Variants in SORL1 observed in about 807,000 individuals in gnomAD.
SORL1 encodes the protein sortilin-related receptor.
Under a neutral mutation model 273.7 loss-of-function variants are expected in SORL1, and 127 were observed. The ratio of observed to expected loss-of-function variants is 0.46; its 90% confidence interval spans 0.40 to 0.54. The LOEUF (loss-of-function observed/expected upper bound fraction) is 0.54, where lower values mean the gene tolerates loss of function less well. Among genes scored for constraint, SORL1 ranks in the 20% least tolerant of loss-of-function variants. The pLI is 0.00. For missense variants in SORL1, 2,494 were observed against 2,846.1 expected (o/e 0.88, Z 2.81); for synonymous variants, 1,031 against 1,067.4 (o/e 0.97, Z 0.66).
chr11:121,509,946 AT>A (rs1475806247), intron 6 of SORL1, among the ~76,000 whole-genome samples: 1 of 152,212 alleles, frequency 6.6e-6, no homozygotes, highest in Non-Finnish European at 1.5e-5. Context: ...CAGGAGGGCT[AT>A]TTCATGATAG....
chr11:121,576,352 CTG>C (rs1264917069), intron 24 of SORL1, among the ~76,000 whole-genome samples: 3 of 152,306 alleles, frequency 2.0e-5, no homozygotes, highest in South Asian at 2.1e-4. Flanking sequence ...ATGCTTCTAT[CTG>C]TACGCAAGCG....
At chr11:121,551,201 A>G (rs971580798) in intron 16 of SORL1, among the ~76,000 whole-genome samples, 1 of 152,228 alleles carries the variant, frequency 6.6e-6, no homozygotes, top group Non-Finnish European at 1.5e-5. Flanking sequence ...TTCACGAGGA[A>G]GCATGTTCAG....
At chr11:121,591,505 C>T (rs1469521200) in intron 31 of SORL1, among the ~76,000 whole-genome samples, 1 of 152,186 alleles carries the variant, frequency 6.6e-6, no homozygotes, top group Middle Eastern at 3.2e-3. Context: ...TAATGTGGAA[C>T]TTTTTGTGTG....
At chr11:121,567,838 A>T (rs1862775814) in intron 22 of SORL1, among the ~76,000 whole-genome samples, 1 of 152,172 alleles carries the variant, frequency 6.6e-6, no homozygotes, top group South Asian at 2.1e-4. Context: ...CATGAAGTGC[A>T]TGGATTGATG....
chr11:121,610,944 A>G, intron 38 of SORL1, 132 bp from the exon 39 acceptor site: 2 of 637,862 alleles, frequency 3.1e-6, no homozygotes, highest in Non-Finnish European at 5.6e-6. Flanking sequence ...TCGATGAGGA[A>G]CACTGCCAAA....
At chr11:121,528,567 TA>T (rs1862157498) in intron 11 of SORL1, among the ~76,000 whole-genome samples, 1 of 152,252 alleles carries the variant, frequency 6.6e-6, no homozygotes, top group East Asian at 1.9e-4. Context: ...TCATCATCAT[TA>T]TCTGATTCCA....
chr11:121,558,882 G>A (rs1862632727), intron 20 of SORL1, 45 bp downstream of exon 20: 2 of 1,606,690 alleles, frequency 1.2e-6, no homozygotes, highest in Non-Finnish European at 1.7e-6. Flanking sequence ...GAGCGGGTGA[G>A]GAGCATATGA....
rs140947503 is a variant in SORL1 at position 121,499,191 on chromosome 11, A to G, written c.939+2142A>G. 7.8e-3 allele frequency among the ~76,000 whole-genome samples: 1,195 copies of G among 152,328 alleles called. 14 individuals are homozygous for G. The highest frequency in any genetic ancestry group is 9.4e-3 in the Non-Finnish European group (642 of 68,026). On this transcript the variant is annotated intron_variant, in intron 6 of 47. Transcript: ENST00000260197. ...GACGTATTAAATTTTTGGTACTTTT[A>G]TAGGCAATTCTTAACTCTCTGTATG...
chr11:121,530,018 T>A (rs1300928728), intron 11 of SORL1, among the ~76,000 whole-genome samples: 1 of 152,188 alleles, frequency 6.6e-6, no homozygotes, highest in African/African-American at 2.4e-5. Context: ...TATCTAATCT[T>A]TTATAGTCTT....
chr11:121,580,054 C>A (rs1337928511), intron 25 of SORL1, among the ~76,000 whole-genome samples: 1 of 152,128 alleles, frequency 6.6e-6, no homozygotes, highest in Non-Finnish European at 1.5e-5. Context: ...ATAACAGACA[C>A]TCTTTTCTTT....
chr11:121,557,470 AAC>A, intron 19 of SORL1, 65 bp downstream of exon 19: 1 of 1,204,928 alleles, frequency 8.3e-7, no homozygotes, highest in African/African-American at 1.5e-5. Context: ...TTCTCATGGA[AAC>A]ACAGACTGCG....
intron 21 of SORL1, among the ~76,000 whole-genome samples, chr11:121,564,806 C>T (rs529461888): frequency 3.3e-5 from 5 of 152,070 alleles, no homozygotes; most frequent in South Asian, 2.1e-4. Context: ...CTCCTGGGCT[C>T]GAGTGATCCT....
At chr11:121,519,499 C>T (rs369800118) in intron 8 of SORL1, among the ~76,000 whole-genome samples, 3 of 152,088 alleles carry the variant, frequency 2.0e-5, no homozygotes, top group East Asian at 1.9e-4. Flanking sequence ...GCAAGCTCCG[C>T]GTCCCGGGTT....
rs1001978809 is a variant in SORL1 at position 121,595,043 on chromosome 11, C to T, written c.4370-580C>T. Among the ~76,000 whole-genome samples, 39 of 152,222 alleles carry T rather than the reference C, an allele frequency of 2.6e-4. No individual in the cohort carries two copies. Among genetic ancestry groups the T allele is most frequent in the African/African-American group, 8.0e-4 (33 of 41,450 alleles). On this transcript the variant is annotated intron_variant, in intron 31 of 47. Transcript: ENST00000260197. This position sits in a 1 kb window ranked among gnomAD's most constrained non-coding sequence, Gnocchi z 5.1. ...AGTAGGATATACTTGCTGTCAACTACGCCTATCTAAACAACTCTCTGTTTT... is the reference window on the plus strand; with the variant it reads ...AGTAGGATATACTTGCTGTCAACTATGCCTATCTAAACAACTCTCTGTTTT...
intron 21 of SORL1, among the ~76,000 whole-genome samples, chr11:121,560,517 T>C (rs79044174): frequency 0.03 from 4,574 of 152,344 alleles, 92 homozygotes; most frequent in Middle Eastern, 0.054. Flanking sequence ...AATTTCCCTC[T>C]TTATCTCAGC....
At position 121,550,666 on chromosome 11, in the gene SORL1, G is replaced by A. The variant is rs759152773; in HGVS notation, c.2262G>A (p.Leu754=). The change falls in exon 16 of 48, where the codon CTG becomes CTA. Residue 754 remains leucine, a synonymous_variant. Coordinates refer to ENST00000260197, the MANE Select transcript of SORL1 (RefSeq NM_003105.6). The surrounding 1 kb of genome is among the most constrained non-coding windows in gnomAD (Gnocchi z 5.3). The stretch of plus-strand genomic sequence containing the variant: ...AAGGAGAGCTGGTCCCCTGTCCCCT[G>A]GCAGGTAAGAGAGGTGGTTTCTTCC... ...RLEGELVPCP[L]AEENEFILYA... 2 of 1,613,142 alleles carry A rather than the reference G, an allele frequency of 1.2e-6. No homozygotes were observed. Among genetic ancestry groups the A allele is most frequent in the Non-Finnish European group, 1.7e-6 (2 of 1,179,146 alleles).
chr11:121,547,072 C>G (rs1392747356), intron 14 of SORL1: 2 of 152,224 alleles, frequency 1.3e-5, no homozygotes, highest in Admixed American at 1.3e-4. Context: ...ACAGGGCTGG[C>G]TGATGTTCTT....
chr11:121,461,845 G>A (rs956032198), intron 1 of SORL1, among the ~76,000 whole-genome samples: 4 of 152,196 alleles, frequency 2.6e-5, no homozygotes, highest in Admixed American at 2.0e-4. Flanking sequence ...ATGTGGAGCC[G>A]TTTTGTGAGG....
chr11:121,468,358 CAAGAG>C (rs1861118188), intron 1 of SORL1, among the ~76,000 whole-genome samples: 2 of 152,130 alleles, frequency 1.3e-5, no homozygotes, highest in African/African-American at 4.8e-5. Context: ...CATCGCTCAG[CAAGAG>C]AGGCAGCCTG....
Sources: allele counts gnomAD v4.1 joint callset (sites outside exome capture counted in the v4.1 genomes callset), GRCh38; gene constraint gnomAD v4.1.1; non-coding constraint Gnocchi (gnomAD v3.1); transcripts MANE v1.5; gene names NCBI Gene and HGNC (gene_info 2026-07-23, HGNC 2026-07-21).